Variants in PDS5B observed in about 807,000 individuals in gnomAD.
PDS5B encodes the protein PDS5 cohesin associated factor B.
Under a neutral mutation model 184.1 loss-of-function variants are expected in PDS5B, and 51 were observed. That is an observed-to-expected ratio of 0.28 (90% confidence interval 0.22 to 0.35). PDS5B has a LOEUF of 0.35. PDS5B is among the 10% of genes least tolerant of loss of function. PDS5B has a pLI of 1.00. For missense variants in PDS5B, 1,180 were observed against 1,723.3 expected, an observed-to-expected ratio of 0.68 and a Z score of 5.58; for synonymous variants, 566 against 569.2, an observed-to-expected ratio of 0.99 and a Z score of 0.08.
intron 9 of PDS5B, among the ~76,000 whole-genome samples, chr13:32,677,884 A>G (rs896130084): frequency 4.6e-5 from 7 of 152,110 alleles, no homozygotes; most frequent in African/African-American, 1.7e-4. Flanking sequence ...ATTTTTTTAA[A>G]TTACTATTTT....
intron 24 of PDS5B, 130 bp from the exon 25 acceptor site, chr13:32,753,202 A>C (rs923801304): frequency 1.5e-5 from 10 of 653,608 alleles, no homozygotes; most frequent in Admixed American, 2.7e-5. Flanking sequence ...CACTCTTGTG[A>C]GCAGTGAAGC....
chr13:32,717,787 C>A (rs1044850871), intron 19 of PDS5B, among the ~76,000 whole-genome samples: 20 of 142,072 alleles, frequency 1.4e-4, no homozygotes, highest in Non-Finnish European at 3.0e-4. Context: ...TATAAGAAAC[C>A]AGGAATTCTA....
intron 19 of PDS5B, among the ~76,000 whole-genome samples, chr13:32,721,940 C>T (rs1475927900): frequency 6.6e-6 from 1 of 152,196 alleles, no homozygotes; most frequent in Non-Finnish European, 1.5e-5. Flanking sequence ...ATGCTCCTCA[C>T]CTCCCAGACG....
intron 19 of PDS5B, among the ~76,000 whole-genome samples, chr13:32,722,347 G>A (rs940386248): frequency 6.6e-6 from 1 of 152,250 alleles, no homozygotes; most frequent in Non-Finnish European, 1.5e-5. Context: ...CGTGGAAAGC[G>A]GGAGATGGAG....
chr13:32,730,091 A>G (rs926578546), intron 19 of PDS5B, among the ~76,000 whole-genome samples: 1 of 152,172 alleles, frequency 6.6e-6, no homozygotes, highest in African/African-American at 2.4e-5. Flanking sequence ...TTTCCATTTA[A>G]GTCTTTAATC....
intron 14 of PDS5B, among the ~76,000 whole-genome samples, chr13:32,696,238 T>C (rs1449609685): frequency 6.6e-6 from 1 of 152,124 alleles, no homozygotes; most frequent in Non-Finnish European, 1.5e-5. Flanking sequence ...ATGACTTTTT[T>C]TGTTTCTGGT....
intron 19 of PDS5B, among the ~76,000 whole-genome samples, chr13:32,731,613 C>T (rs1051763983): frequency 1.3e-5 from 2 of 150,740 alleles, no homozygotes; most frequent in Non-Finnish European, 2.9e-5. Context: ...AATATTGGAG[C>T]CTTTTAATAG....
chr13:32,597,514 G>C (rs2057895565), intron 1 of PDS5B, among the ~76,000 whole-genome samples: 1 of 150,894 alleles, frequency 6.6e-6, no homozygotes, highest in African/African-American at 2.4e-5. Flanking sequence ...GTAACACAGA[G>C]AGATCCTGTC....
intron 14 of PDS5B, among the ~76,000 whole-genome samples, chr13:32,695,923 G>A (rs1361976042): frequency 6.6e-6 from 1 of 152,034 alleles, no homozygotes; most frequent in Non-Finnish European, 1.5e-5. Flanking sequence ...CCACAGTAAA[G>A]ATGGAGTTCT....
chr13:32,659,763 T>C (rs1950597497), intron 6 of PDS5B, among the ~76,000 whole-genome samples: 1 of 152,200 alleles, frequency 6.6e-6, no homozygotes, highest in South Asian at 2.1e-4. Flanking sequence ...GTTTGTGTTT[T>C]GATTTTAGAA....
At chr13:32,726,953 C>G (rs1411412673) in intron 19 of PDS5B, among the ~76,000 whole-genome samples, 4 of 151,870 alleles carry the variant, frequency 2.6e-5, no homozygotes, top group African/African-American at 9.7e-5. Context: ...AAATAAATGT[C>G]CTAGTTGTCT....
At chr13:32,623,279 G>A (rs1421455274) in intron 1 of PDS5B, among the ~76,000 whole-genome samples, 2 of 152,140 alleles carry the variant, frequency 1.3e-5, no homozygotes, top group African/African-American at 4.8e-5. Flanking sequence ...TACACATCTT[G>A]TGACCACTGG....
intron 21 of PDS5B, among the ~76,000 whole-genome samples, chr13:32,739,895 G>T (rs900463553): frequency 9.2e-5 from 14 of 151,826 alleles, no homozygotes; most frequent in Non-Finnish European, 1.3e-4. Flanking sequence ...TGTTTTTATT[G>T]TATCTTTTGT....
At chr13:32,756,418 A>G (rs1566415486) in intron 26 of PDS5B, among the ~76,000 whole-genome samples, 1 of 152,178 alleles carries the variant, frequency 6.6e-6, no homozygotes, top group African/African-American at 2.4e-5. Context: ...AACTACTCCT[A>G]CTTATTACTT....
intron 21 of PDS5B, among the ~76,000 whole-genome samples, chr13:32,739,271 A>G (rs923721360): frequency 1.4e-4 from 22 of 152,038 alleles, no homozygotes; most frequent in African/African-American, 5.1e-4. Flanking sequence ...TCTCCTGGTA[A>G]TCTGCAGTGC....
chr13:32,648,917 G>A, intron 2 of PDS5B, 37 bp downstream of exon 2: 1 of 921,516 alleles, frequency 1.1e-6, no homozygotes, highest in Non-Finnish European at 1.8e-6. Flanking sequence ...ATCTGTGTAG[G>A]GCAGAGGTCC....
chr13:32,692,459 G>A (rs926038265), intron 13 of PDS5B, among the ~76,000 whole-genome samples: 7 of 129,076 alleles, frequency 5.4e-5, no homozygotes, highest in Admixed American at 9.0e-5. Context: ...GAGTCCGATG[G>A]GTGACTTGTC....
chr13:32,737,370 A>G (rs1235777487), intron 21 of PDS5B, among the ~76,000 whole-genome samples: 1 of 152,132 alleles, frequency 6.6e-6, no homozygotes, highest in African/African-American at 2.4e-5. Flanking sequence ...AGGTTGTTTA[A>G]CAAGGCCTTT....
intron 1 of PDS5B, among the ~76,000 whole-genome samples, chr13:32,613,647 A>G (rs552907100): frequency 5.9e-5 from 9 of 152,320 alleles, no homozygotes; most frequent in African/African-American, 2.2e-4. Context: ...GCCTTATCAT[A>G]TATATGATGT....
Sources: gnomAD v4.1 joint callset for allele counts (sites outside exome capture counted in the v4.1 genomes callset) on GRCh38, gnomAD v4.1.1 for gene constraint, MANE v1.5 for transcripts, NCBI Gene and HGNC (gene_info 2026-07-23, HGNC 2026-07-21) for gene names.